The following THADA variants were observed in gnomAD, a reference collection of about 807,000 sequenced individuals.
The protein encoded by THADA is tRNA (32-2'-O)-methyltransferase regulator THADA.
Under a neutral mutation model 219.8 loss-of-function variants are expected in THADA, and 213 were observed. The ratio of observed to expected loss-of-function variants is 0.97; its 90% CI spans 0.87 to 1.09. THADA has a LOEUF of 1.09. Among genes scored for constraint, THADA ranks in the 50% least tolerant of loss-of-function variants. THADA has a pLI of 0.00. For synonymous variants in THADA, 1,018 were observed against 828.9 expected (o/e 1.23, Z -3.92); for missense variants, 2,956 against 2,311.3 (o/e 1.28, Z -5.72).
chr2:43,521,205 A>T (rs1045826185), intron 22 of THADA, among the ~76,000 whole-genome samples: 1 of 151,570 alleles, frequency 6.6e-6, no homozygotes, highest in Admixed American at 6.6e-5. Context: ...AGAGGGAAGG[A>T]AAGAGGGCAG....
At chr2:43,573,408 T>C (rs1204822178) in intron 11 of THADA, among the ~76,000 whole-genome samples, 1 of 152,142 alleles carries the variant, frequency 6.6e-6, no homozygotes, top group Admixed American at 6.6e-5. Context: ...TTCTCACTAG[T>C]AAAGATTAAA....
intron 22 of THADA, among the ~76,000 whole-genome samples, chr2:43,524,187 C>T (rs1180079329): frequency 3.9e-5 from 6 of 152,160 alleles, no homozygotes; most frequent in Non-Finnish European, 8.8e-5. Context: ...ATAAAAAAAT[C>T]AGATTACAGA....
Position 43,581,800 on chromosome 2 carries a change from G to T in THADA, c.662C>A (p.Ser221Tyr). 1 of 1,612,836 alleles carries T rather than the reference G, an allele frequency of 6.2e-7. No homozygotes were observed. Among genetic ancestry groups the T allele is most frequent in the Non-Finnish European group, 8.5e-7 (1 of 1,179,700 alleles). The stretch of plus-strand genomic sequence containing the variant: ...TCCACACATATTTTGCCATATGGGA[G>T]AATCGGAAGTCTTCCAAAGATTTCC... Reference protein sequence around the residue: ...FQGNLWKTSDSPIWQNMCGLL... With the variant: ...FQGNLWKTSDYPIWQNMCGLL... Residue 221 changes from serine to tyrosine, a missense_variant, in exon 8 of 38, where the codon TCT (serine) becomes TAT (tyrosine). Physicochemically the swap from Ser to Tyr is moderately radical, Grantham distance 144. Transcript: ENST00000405975.
Position 43,571,821 on chromosome 2 carries a change from C to A in THADA, c.1950G>T (p.Arg650=), listed in dbSNP as rs1699338665. Residue 650 remains arginine, a synonymous_variant, in exon 13 of 38, where the codon CGG becomes CGT. Transcript: ENST00000405975. ...CTTCCATGGAAACAATTTCTGTGCT[C>A]CGATTACTTTCACAAAGCAAGCCTA... ...DTLGLLCESN[R]STEIVSMEEM... is the part of the protein sequence containing the mutation. 8 of 1,613,764 alleles carry A rather than the reference C, an allele frequency of 5.0e-6. No individual in the cohort carries two copies. The highest frequency in any genetic ancestry group is 1.7e-5 in the Admixed American group (1 of 60,000).
At chr2:43,544,581 G>C (rs1477906602) in intron 20 of THADA, among the ~76,000 whole-genome samples, 1 of 151,760 alleles carries the variant, frequency 6.6e-6, no homozygotes, top group Non-Finnish European at 1.5e-5. Flanking sequence ...TCCTTGAAGA[G>C]GTCCTTCACG....
intron 26 of THADA, among the ~76,000 whole-genome samples, chr2:43,434,052 T>C (rs1376038323): frequency 6.6e-6 from 1 of 152,030 alleles, no homozygotes; most frequent in Non-Finnish European, 1.5e-5. Flanking sequence ...GTAGCAAAGA[T>C]AATCTTAAAG....
At chr2:43,581,496 A>T (rs1274856823) in intron 8 of THADA, among the ~76,000 whole-genome samples, 8 of 150,118 alleles carry the variant, frequency 5.3e-5, no homozygotes, top group African/African-American at 2.0e-4. Context: ...GTGAATAAAC[A>T]TCACGCCACT....
chr2:43,385,326 G>A (rs536792613), intron 29 of THADA, among the ~76,000 whole-genome samples: 13 of 152,242 alleles, frequency 8.5e-5, no homozygotes, highest in Middle Eastern at 3.4e-3. Flanking sequence ...GAAAGGGCAA[G>A]CTGGGTGCGG....
intron 30 of THADA, chr2:43,343,011 C>G (rs1667224616): frequency 6.6e-6 from 1 of 151,838 alleles, no homozygotes; most frequent in Admixed American, 6.6e-5. Context: ...TTGTTTGTTT[C>G]TCAAACTCTA....
intron 21 of THADA, among the ~76,000 whole-genome samples, chr2:43,532,456 T>C (rs1414892456): frequency 1.6e-5 from 2 of 122,410 alleles, no homozygotes; most frequent in African/African-American, 6.1e-5. Flanking sequence ...CATACACAAA[T>C]CAATAAACGT....
intron 28 of THADA, among the ~76,000 whole-genome samples, chr2:43,401,413 G>A (rs959033991): frequency 2.6e-5 from 4 of 152,048 alleles, no homozygotes; most frequent in African/African-American, 9.7e-5. Context: ...CGAGTAGCTG[G>A]GATTACAGGC....
chr2:43,510,334 A>T (rs1337029306), intron 22 of THADA, among the ~76,000 whole-genome samples: 1 of 152,184 alleles, frequency 6.6e-6, no homozygotes, highest in African/African-American at 2.4e-5. Context: ...GTCGCTTATT[A>T]TTCTCTCTAC....
At chr2:43,374,995 T>C (rs903566231) in intron 29 of THADA, among the ~76,000 whole-genome samples, 1 of 151,866 alleles carries the variant, frequency 6.6e-6, no homozygotes, top group African/African-American at 2.4e-5. Flanking sequence ...AAAGACAGCT[T>C]TCAGTCTGGG....
In THADA at chr2:43,232,851, G is replaced by A. The variant is rs370104439; in HGVS notation, c.5328C>T (p.Ile1776=). 1.8e-5 allele frequency: 29 copies of A among 1,611,470 alleles called. No individual in the cohort carries two copies. In the African/African-American group the frequency reaches 2.9e-4, roughly 16 times the overall value. ...EFAFCQVDAS[I]ALALALAVLC... ...GGACGGCCAGGGCCAGGGCCAGAGC[G>A]ATGGAGGCATCCACCTGGCAGAAGG... The change falls in exon 37 of 38, where the codon ATC becomes ATT. Residue 1776 remains isoleucine (I), a synonymous_variant. Transcript: ENST00000405975.
At chr2:43,295,152 C>A (rs961363263) in intron 31 of THADA, among the ~76,000 whole-genome samples, 4 of 152,216 alleles carry the variant, frequency 2.6e-5, no homozygotes, top group Non-Finnish European at 5.9e-5. Flanking sequence ...GTTGAGGATG[C>A]AGTGAGCCAG....
At chr2:43,582,786 C>G (rs1486639406) in intron 7 of THADA, among the ~76,000 whole-genome samples, 1 of 151,906 alleles carries the variant, frequency 6.6e-6, no homozygotes, top group Non-Finnish European at 1.5e-5. Context: ...CCAGGCTGGT[C>G]TCAAACTCCT....
chr2:43,342,346 A>G (rs1027418648), intron 30 of THADA, among the ~76,000 whole-genome samples: 1 of 152,244 alleles, frequency 6.6e-6, no homozygotes, highest in Non-Finnish European at 1.5e-5. Context: ...AATAATTGAG[A>G]TACACACATC....
rs1024246105 is a variant in THADA, at chr2:43,581,998, C to A, written c.534-70G>T. The A allele has an allele frequency of 6.0e-6, 7 of 1,172,120 alleles. No individual in the cohort carries two copies. The Admixed American group carries it at 1.3e-4, about 22-fold the overall frequency. The allele number at this position is 1,172,120 out of a possible 1,614,324, so 72.6% of individuals were successfully genotyped here. A position where few individuals can be genotyped will look rare whatever the true frequency, so the allele number is the denominator to read the frequency against. On this transcript the variant is annotated intron_variant, in intron 7 of 37. Transcript: ENST00000405975. ...AAGTGTGAACATTTCTAATTATCAG[C>A]AAAATAAATACATTCCTCAAAGGCC...
intron 22 of THADA, among the ~76,000 whole-genome samples, chr2:43,512,433 CT>C (rs1022359537): frequency 8.5e-5 from 13 of 152,338 alleles, no homozygotes; most frequent in Middle Eastern, 3.4e-3. Flanking sequence ...TCCACCCTCC[CT>C]TTTTACTAAA....
Sources: allele counts gnomAD v4.1 joint callset (sites outside exome capture counted in the v4.1 genomes callset), GRCh38; gene constraint gnomAD v4.1.1; transcripts MANE v1.5; gene names NCBI Gene and HGNC (gene_info 2026-07-23, HGNC 2026-07-21).